MYL1: variants seen among roughly 807,000 people sequenced by gnomAD.
The protein encoded by MYL1 is myosin light chain 1.
A neutral mutation model predicts 21.8 loss-of-function variants in MYL1; 16 were observed. That is an observed-to-expected ratio of 0.74 (90% CI 0.50 to 1.12). The LOEUF (loss-of-function observed/expected upper bound fraction) is 1.12, where lower values mean the gene tolerates loss of function less well. MYL1 is among the 50% of genes most tolerant of loss of function. The pLI is 0.00. For synonymous variants in MYL1, 99 were observed against 85.2 expected (o/e 1.16, Z -0.89); for missense variants, 246 against 241.0 (o/e 1.02, Z -0.14).
chr2:210,303,510 T>C (rs1575705527), intron 1 of MYL1: 2 of 1,601,308 alleles, frequency 1.2e-6, no homozygotes, highest in Non-Finnish European at 8.5e-7. Flanking sequence ...TTTTCTCCTA[T>C]AAATGACAAA....
intron 1 of MYL1, among the ~76,000 whole-genome samples, chr2:210,309,960 T>C (rs1221810583): frequency 6.6e-6 from 1 of 152,078 alleles, no homozygotes; most frequent in African/African-American, 2.4e-5. Context: ...TAGAGAAAAT[T>C]ACAAAATGCC....
chr2:210,290,968 G>T, intron 6 of MYL1, 64 bp downstream of exon 6: 1 of 1,082,860 alleles, frequency 9.2e-7, no homozygotes, highest in South Asian at 1.6e-5. Flanking sequence ...AACTGAAGCT[G>T]TCAAGTTTTA....
intron 3 of MYL1, among the ~76,000 whole-genome samples, chr2:210,296,189 G>A (rs1690172469): frequency 1.3e-5 from 2 of 152,084 alleles, no homozygotes; most frequent in African/African-American, 4.8e-5. Context: ...ATGTATTTAC[G>A]GGGTAAAGTG....
chr2:210,300,910 G>T (rs1690255371), intron 2 of MYL1, among the ~76,000 whole-genome samples: 1 of 152,154 alleles, frequency 6.6e-6, no homozygotes, highest in Non-Finnish European at 1.5e-5. Context: ...TTTCATTTAA[G>T]AAACTATAGT....
Position 210,298,460 on chromosome 2 carries a change from AT to A in MYL1, c.263del (p.Asn88MetfsTer16). The A allele has an allele frequency of 1.2e-6, 2 of 1,613,918 alleles. No homozygotes were observed. Among genetic ancestry groups the A allele is most frequent in the South Asian group, 1.1e-5 (1 of 91,070 alleles). ...VLRALGTNPT[N>X]AEVRKVLGNP... ...TTCCCAGAACTTTCCTGACCTCTGC[AT>A]TGGTGGGATTTGTGCCCAGAGCTCG... On this transcript the variant is annotated frameshift_variant, in exon 3 of 7. Coordinates refer to ENST00000352451, the MANE Select transcript of MYL1 (RefSeq NM_079420.3). LOFTEE classifies it high-confidence loss of function.
At position 210,291,081 on chromosome 2, in the gene MYL1, G is replaced by C; in HGVS notation, c.557-7C>G. 1 of 1,608,284 alleles carries C rather than the reference G, an allele frequency of 6.2e-7. No individual in the cohort carries two copies. The highest frequency in any genetic ancestry group is 8.5e-7 in the Non-Finnish European group (1 of 1,175,318). ...ATGATGTGCTTGACAAAAGCTGTAG[G>C]AGCAAAATAGACAAAATAGACAATT... On this transcript the variant is annotated splice_polypyrimidine_tract_variant and splice_region_variant and intron_variant, in intron 5 of 6. Transcript: ENST00000352451.
At chr2:210,312,565 T>C (rs1020133311) in intron 1 of MYL1, among the ~76,000 whole-genome samples, 2 of 151,970 alleles carry the variant, frequency 1.3e-5, no homozygotes, top group East Asian at 3.8e-4. Context: ...TCACTTTCTT[T>C]GGCCATGCTA....
In MYL1 at chr2:210,314,957, G is replaced by A. The variant is rs565388768; in HGVS notation, c.86C>T (p.Ala29Val). 8.7e-6 allele frequency: 14 copies of A among 1,613,698 alleles called. No homozygotes were observed. In the African/African-American group the frequency reaches 1.6e-4, roughly 18 times the overall value. ...APAPAPAPAPAPAKPKEEKID... is the reference protein window; with the variant it reads ...APAPAPAPAPVPAKPKEEKID... ...TTTTTCTTCTTTGGGTTTGGCTGGG[G>A]CAGGGGCAGGTGCAGGTGCCGGTGC... Residue 29 changes from alanine to valine, a missense_variant, in exon 1 of 7, where the codon GCC becomes GTC. By Grantham distance (64) the Ala-to-Val change is moderately conservative. Coordinates refer to ENST00000352451, the MANE Select transcript of MYL1 (RefSeq NM_079420.3).
chr2:210,310,350 C>T (rs1189585268), intron 1 of MYL1, among the ~76,000 whole-genome samples: 3 of 151,980 alleles, frequency 2.0e-5, no homozygotes, highest in Non-Finnish European at 2.9e-5. Context: ...TGTATTTCTG[C>T]ATACCATCCC....
intron 1 of MYL1, among the ~76,000 whole-genome samples, chr2:210,305,336 G>A (rs1015666007): frequency 6.6e-6 from 1 of 152,068 alleles, no homozygotes; most frequent in Admixed American, 6.6e-5. Flanking sequence ...CATTTTGAAA[G>A]GTTATTGGGA....
At chr2:210,304,887 T>G (rs2125742866) in intron 1 of MYL1, among the ~76,000 whole-genome samples, 1 of 152,292 alleles carries the variant, frequency 6.6e-6, no homozygotes, top group South Asian at 2.1e-4. Flanking sequence ...CAGCAATGGG[T>G]TTTCATGGTA....
intron 1 of MYL1, among the ~76,000 whole-genome samples, chr2:210,312,645 C>CAAAATGTAAAA (rs1690432673): frequency 6.6e-6 from 1 of 151,790 alleles, no homozygotes; most frequent in Non-Finnish European, 1.5e-5. Flanking sequence ...ATTTACATTT[C>CAAAATGTAAAA]TTTACAAAAG....
At chr2:210,306,253 C>T (rs182137540) in intron 1 of MYL1, among the ~76,000 whole-genome samples, 15 of 151,574 alleles carry the variant, frequency 9.9e-5, no homozygotes, top group Admixed American at 7.9e-4. Flanking sequence ...TGGTGACATA[C>T]GCCCATAGTC....
rs1159202411 is a variant in MYL1, at chr2:210,293,817, C to T, written c.479-17G>A. 6.2e-7 allele frequency: 1 copy of T among 1,612,366 alleles called. No individual in the cohort carries two copies. Among genetic ancestry groups the T allele is most frequent in the Admixed American group, 1.7e-5 (1 of 60,008 alleles). On this transcript the variant is annotated splice_polypyrimidine_tract_variant and intron_variant, in intron 4 of 6. Transcript: ENST00000352451. ...TCTTTTCACCTGATGAAACAAAACT[C>T]TCCTTTCAGAAAGAAGGCCATGTGT... is the stretch of plus-strand genomic sequence containing the variant.
chr2:210,292,442 T>C (rs1575701121), intron 5 of MYL1, among the ~76,000 whole-genome samples: 1 of 152,342 alleles, frequency 6.6e-6, no homozygotes, highest in East Asian at 1.9e-4. Context: ...ATTCATTTTA[T>C]TTCCTATGAA....
chr2:210,294,112 A>C, intron 4 of MYL1, 133 bp downstream of exon 4: 1 of 992,216 alleles, frequency 1.0e-6, no homozygotes, highest in East Asian at 2.7e-5. Flanking sequence ...AATGGTCATT[A>C]ACTTTTGACT....
chr2:210,298,338 CT>C (rs374893260), intron 3 of MYL1, 81 bp downstream of exon 3: 1 of 1,292,860 alleles, frequency 7.7e-7, no homozygotes, highest in African/African-American at 1.8e-5. Flanking sequence ...CACACACATA[CT>C]ACACACACAC....
chr2:210,310,514 T>C (rs997423536), intron 1 of MYL1, among the ~76,000 whole-genome samples: 6 of 152,070 alleles, frequency 3.9e-5, no homozygotes, highest in Non-Finnish European at 8.8e-5. Flanking sequence ...CCAAAATTAC[T>C]AAAAAAACTC....
At chr2:210,302,386 G>C (rs1690277204) in intron 2 of MYL1, 102 bp downstream of exon 2, 7 of 1,053,620 alleles carry the variant, frequency 6.6e-6, no homozygotes, top group Non-Finnish European at 9.5e-6. Flanking sequence ...CAACACCAGT[G>C]GGGATAATTA....
Sources: allele counts gnomAD v4.1 joint callset (sites outside exome capture counted in the v4.1 genomes callset), GRCh38; gene constraint gnomAD v4.1.1; transcripts MANE v1.5; gene names NCBI Gene and HGNC (gene_info 2026-07-23, HGNC 2026-07-21).